Variants in GJB6 observed in about 807,000 individuals in gnomAD.
The protein encoded by GJB6 is gap junction beta-6 protein.
In GJB6, 5 loss-of-function variants were observed where a neutral mutation model predicts 5.4. That is an observed-to-expected ratio of 0.92 (90% confidence interval 0.48 to 1.93). The LOEUF (loss-of-function observed/expected upper bound fraction) is 1.93. Ranked by LOEUF, GJB6 falls within the 30% of genes most tolerant of loss-of-function variation. GJB6 has a pLI of 0.01. For missense variants in GJB6, 298 were observed against 326.9 expected (o/e 0.91, Z 0.68); for synonymous variants, 136 against 129.6 (o/e 1.05, Z -0.34).
At chr13:20,228,486 G>GTTT (rs1491055611) in intron 4 of GJB6, among the ~76,000 whole-genome samples, 33 of 120,690 alleles carry the variant, frequency 2.7e-4, no homozygotes, top group African/African-American at 1.1e-3. Flanking sequence ...TTTTGTTTTT[G>GTTT]TTTTTTGTTT....
intron 3 of GJB6, 43 bp from the exon 4 acceptor site, chr13:20,229,792 T>TCCCCCCCCCCCCCCCC (rs56771888): frequency 1.7e-3 from 123 of 72,812 alleles, no homozygotes; most frequent in Non-Finnish European, 2.3e-3. Context: ...TTCCTTTAAC[T>TCCCCCCCCCCCCCCCC]CCCCCCCCCC....
intron 4 of GJB6, among the ~76,000 whole-genome samples, chr13:20,229,139 A>AT (rs1165940302): frequency 1.4e-4 from 20 of 144,394 alleles, no homozygotes; most frequent in African/African-American, 5.1e-4. Context: ...AAAAAAAAAA[A>AT]AAAAAAAAAA....
At chr13:20,227,219 G>C (rs945368) in intron 4 of GJB6, among the ~76,000 whole-genome samples, 84,592 of 151,812 alleles carry the variant, frequency 0.56, 23,787 homozygotes, top group East Asian at 0.66. Context: ...AAGCCACACG[G>C]TCTGAGGGTG....
At chr13:20,230,627 T>C (rs1232714979) in intron 3 of GJB6, 71 bp downstream of exon 3, 1 of 152,116 alleles carries the variant, frequency 6.6e-6, no homozygotes, top group African/African-American at 2.4e-5. Flanking sequence ...GAAGCTTGGG[T>C]CAGAAATCAC....
intron 4 of GJB6, among the ~76,000 whole-genome samples, chr13:20,228,493 GTT>G (rs200585465): frequency 2.1e-5 from 3 of 143,084 alleles, no homozygotes; most frequent in East Asian, 2.0e-4. Context: ...TTTGTTTTTT[GTT>G]TTTTTTGAGA....
At chr13:20,231,571 G>A (rs531738507) in intron 1 of GJB6, 66 bp from the exon 2 acceptor site, 2 of 152,344 alleles carry the variant, frequency 1.3e-5, no homozygotes, top group African/African-American at 4.8e-5. Flanking sequence ...CATTTCACAA[G>A]TTTCTCGGAA....
intron 4 of GJB6, among the ~76,000 whole-genome samples, chr13:20,228,646 G>C (rs1420482374): frequency 6.6e-6 from 1 of 150,828 alleles, no homozygotes; most frequent in Non-Finnish European, 1.5e-5. Flanking sequence ...CACCAAGCCC[G>C]GCTAATTTTT....
At position 20,222,542 on chromosome 13, in the gene GJB6, C is replaced by A. The variant is rs1869242829; in HGVS notation, c.*153G>T. The A allele has an allele frequency of 3.0e-6, 2 of 668,326 alleles. No individual in the cohort carries two copies. The highest frequency in any genetic ancestry group is 4.7e-5 in the Admixed American group (2 of 42,402). 41.4% of individuals were successfully genotyped at this position (668,326 alleles called of 1,614,324 possible). On this transcript the variant is annotated 3_prime_UTR_variant, in exon 5 of 5. Coordinates refer to ENST00000647029, the MANE Select transcript of GJB6 (RefSeq NM_001110219.3). The stretch of plus-strand genomic sequence containing the variant: ...TTGATTACGTTGTGTATGAATGGAG[C>A]AAGTATCCTACAAAAAGTTAACTCA...
chr13:20,231,810 C>A (rs1870100778), intron 1 of GJB6, among the ~76,000 whole-genome samples: 1 of 152,258 alleles, frequency 6.6e-6, no homozygotes, highest in Non-Finnish European at 1.5e-5. Flanking sequence ...CGATATGAAA[C>A]CTTCATAAAA....
chr13:20,228,720 A>C (rs7339428), intron 4 of GJB6, among the ~76,000 whole-genome samples: 18 of 150,386 alleles, frequency 1.2e-4, no homozygotes, highest in Non-Finnish European at 2.2e-4. Context: ...TCCTGACCTC[A>C]TGATCCGCCC....
Position 20,223,034 on chromosome 13 carries a change from G to C in GJB6, c.447C>G (p.Ala149=), listed in dbSNP as rs1256642096. 6.2e-7 allele frequency: 1 copy of C among 1,614,138 alleles called. No individual in the cohort carries two copies. Among genetic ancestry groups the C allele is most frequent in the Non-Finnish European group, 8.5e-7 (1 of 1,180,008 alleles). The change falls in exon 5 of 5, where the codon GCC becomes GCG. Residue 149 remains alanine, a synonymous_variant. Transcript: ENST00000647029. ...AAAGGAAGTAAAACACATACATAAAGGCTGCTTCAAAGATGATTCGGAAAA... is the reference window on the plus strand; with the variant it reads ...AAAGGAAGTAAAACACATACATAAACGCTGCTTCAAAGATGATTCGGAAAA... ...SIFFRIIFEA[A]FMYVFYFLYN...
chr13:20,228,679 T>C (rs1869802288), intron 4 of GJB6, among the ~76,000 whole-genome samples: 2 of 95,996 alleles, frequency 2.1e-5, no homozygotes, highest in African/African-American at 2.8e-5. Context: ...AGAGACGGGG[T>C]TTCACCGTGT....
chr13:20,228,456 C>CTTGT (rs891376553), intron 4 of GJB6, among the ~76,000 whole-genome samples: 5 of 150,000 alleles, frequency 3.3e-5, no homozygotes, highest in South Asian at 2.1e-4. Flanking sequence ...GCTGTTTTTT[C>CTTGT]TTGTTTGTTT....
At chr13:20,225,216 T>C (rs1289986813) in intron 4 of GJB6, 1 of 152,056 alleles carries the variant, frequency 6.6e-6, no homozygotes, top group Non-Finnish European at 1.5e-5. Context: ...GCAACCACCA[T>C]TCTACTTTCT....
chr13:20,231,926 C>T (rs1158948307), intron 1 of GJB6, among the ~76,000 whole-genome samples: 2 of 152,230 alleles, frequency 1.3e-5, no homozygotes, highest in African/African-American at 2.4e-5. Flanking sequence ...GCGCCCACTG[C>T]CATCGGGCCG....
intron 4 of GJB6, 55 bp from the exon 5 acceptor site, chr13:20,223,550 G>T: frequency 7.2e-7 from 1 of 1,380,230 alleles, no homozygotes; most frequent in Non-Finnish European, 1.0e-6. Flanking sequence ...TTGGGAAAGT[G>T]ACACGGTGAT....
intron 4 of GJB6, among the ~76,000 whole-genome samples, chr13:20,226,290 A>G (rs201465950): frequency 2.2e-4 from 6 of 27,040 alleles, no homozygotes; most frequent in African/African-American, 8.5e-4. Context: ...GGTTTTTCTT[A>G]AAAAAAAAAA....
chr13:20,223,916 C>T (rs1019232888), intron 4 of GJB6, among the ~76,000 whole-genome samples: 1 of 151,932 alleles, frequency 6.6e-6, no homozygotes, highest in African/African-American at 2.4e-5. Context: ...TTGCAGTGAG[C>T]CGAGATTGCA....
Position 20,223,102 on chromosome 13 carries a change from G to C in GJB6, c.379C>G (p.Arg127Gly), listed in dbSNP as rs1231348800. Residue 127 changes from arginine to glycine, a missense_variant, in exon 5 of 5, where the codon CGG (arginine) becomes GGG (glycine). Physicochemically the swap from Arg to Gly is moderately radical, Grantham distance 125 (BLOSUM62 -2). Coordinates refer to ENST00000647029, the MANE Select transcript of GJB6 (RefSeq NM_001110219.3). Reference sequence around the variant, plus strand: ...GTCCACCACAGCGACCCCTCTATCCGAACCTTCTGCTTTTTAATGTCCTCT... The same window carrying C: ...GTCCACCACAGCGACCCCTCTATCCCAACCTTCTGCTTTTTAATGTCCTCT... ...DIEDIKKQKV[R>G]IEGSLWWTYT... The C allele has an allele frequency of 3.1e-6, 5 of 1,614,080 alleles. No homozygotes were observed. The highest frequency in any genetic ancestry group is 4.2e-6 in the Non-Finnish European group (5 of 1,180,006).
Sources: gnomAD v4.1 joint callset for allele counts (sites outside exome capture counted in the v4.1 genomes callset) on GRCh38, gnomAD v4.1.1 for gene constraint, MANE v1.5 for transcripts, NCBI Gene and HGNC (gene_info 2026-07-23, HGNC 2026-07-21) for gene names.